The following KIF26B variants were observed in gnomAD, a reference collection of about 807,000 sequenced individuals.
The protein encoded by KIF26B is kinesin-like protein KIF26B.
Under a neutral mutation model 151.2 loss-of-function variants are expected in KIF26B, and 63 were observed. That is an observed-to-expected ratio of 0.42 (90% CI 0.34 to 0.51). KIF26B has a LOEUF of 0.51. Ranked by LOEUF, KIF26B falls within the 20% of genes least tolerant of loss-of-function variation. The probability of loss-of-function intolerance (pLI) is 0.07; values close to 1 mark genes in which losing one functional copy is unlikely to be tolerated. For missense variants in KIF26B, 2,813 were observed against 2,913.6 expected (o/e 0.97, Z 0.79); for synonymous variants, 1,357 against 1,262.1 (o/e 1.08, Z -1.59).
chr1:245,307,866 A>T (rs12143981), intron 2 of KIF26B, among the ~76,000 whole-genome samples: 1 of 151,414 alleles, frequency 6.6e-6, no homozygotes, highest in South Asian at 2.1e-4. Context: ...TCAGCCTCCC[A>T]AGTAGCTGGG....
At chr1:245,306,189 G>C (rs967647927) in intron 2 of KIF26B, among the ~76,000 whole-genome samples, 7 of 152,268 alleles carry the variant, frequency 4.6e-5, no homozygotes, top group Non-Finnish European at 1.0e-4. Context: ...AATGTGGCAT[G>C]ATCTATATAA....
intron 2 of KIF26B, among the ~76,000 whole-genome samples, chr1:245,256,210 G>A (rs78814703): frequency 0.014 from 2,055 of 152,158 alleles, 39 homozygotes; most frequent in African/African-American, 0.037. Flanking sequence ...TCTTCAAATG[G>A]CTCCCAGGTC....
At chr1:245,626,418 T>C (rs1179602654) in intron 9 of KIF26B, among the ~76,000 whole-genome samples, 1 of 150,514 alleles carries the variant, frequency 6.6e-6, no homozygotes, top group Non-Finnish European at 1.5e-5. Flanking sequence ...TTTTTCTGTC[T>C]TTCTAATAAT....
At chr1:245,257,089 T>C in intron 2 of KIF26B, among the ~76,000 whole-genome samples, 1 of 152,218 alleles carries the variant, frequency 6.6e-6, no homozygotes, top group East Asian at 1.9e-4. Context: ...CCATAACCCC[T>C]TATCTTAACC....
intron 4 of KIF26B, among the ~76,000 whole-genome samples, chr1:245,433,479 AG>A (rs774769289): frequency 3.3e-4 from 45 of 137,688 alleles, no homozygotes; most frequent in African/African-American, 9.0e-4. Flanking sequence ...AAAAAAAAAA[AG>A]AAGAAGAAGA....
intron 9 of KIF26B, among the ~76,000 whole-genome samples, chr1:245,644,201 T>C (rs191996885): frequency 5.3e-4 from 80 of 152,314 alleles, no homozygotes; most frequent in African/African-American, 1.8e-3. Context: ...CTATATATTT[T>C]ATTCTGAATA....
chr1:245,611,253 T>C (rs1039678310), intron 8 of KIF26B, among the ~76,000 whole-genome samples: 1 of 152,238 alleles, frequency 6.6e-6, no homozygotes, highest in Non-Finnish European at 1.5e-5. Flanking sequence ...CTAGTAAATA[T>C]GGCCTAAAAT....
intron 2 of KIF26B, among the ~76,000 whole-genome samples, chr1:245,297,875 T>G (rs1050793656): frequency 6.9e-4 from 103 of 149,964 alleles, no homozygotes; most frequent in African/African-American, 2.4e-3. Flanking sequence ...GGGCATCAGT[T>G]TTTGTTTGTT....
intron 9 of KIF26B, among the ~76,000 whole-genome samples, chr1:245,628,708 T>C (rs1160852773): frequency 6.6e-6 from 1 of 152,166 alleles, no homozygotes; most frequent in Non-Finnish European, 1.5e-5. Flanking sequence ...GGATGCCCTC[T>C]CTCAGCACTC....
At chr1:245,465,169 G>A (rs752077746) in intron 4 of KIF26B, among the ~76,000 whole-genome samples, 16 of 151,970 alleles carry the variant, frequency 1.1e-4, no homozygotes, top group Non-Finnish European at 1.2e-4. Flanking sequence ...TAGTAGAGAC[G>A]GGGTTTCCCC....
chr1:245,208,968 A>G (rs1669460112), intron 2 of KIF26B, among the ~76,000 whole-genome samples: 1 of 152,152 alleles, frequency 6.6e-6, no homozygotes, highest in African/African-American at 2.4e-5. Context: ...GATGAAACCA[A>G]CTGCTCATCC....
At chr1:245,264,746 A>G (rs1044989315) in intron 2 of KIF26B, among the ~76,000 whole-genome samples, 6 of 150,292 alleles carry the variant, frequency 4.0e-5, no homozygotes, top group African/African-American at 1.5e-4. Flanking sequence ...TACAAAAAAT[A>G]GCCAGGTGTG....
At position 245,559,248 on chromosome 1, in the gene KIF26B, G is replaced by A. The variant is rs560903638; in HGVS notation, c.1350+18298G>A. On this transcript the variant is annotated intron_variant, in intron 5 of 14. Transcript: ENST00000407071. ...AATCCTAGCTAAGGCTGAGACAGGA[G>A]AATCACTTGAGCCCGGGAAGTCTAA... Among the ~76,000 whole-genome samples the A allele has an allele frequency of 2.0e-5, 3 of 152,322 alleles. No individual in the cohort carries two copies. The East Asian group carries it at 5.8e-4, about 29-fold the overall frequency.
Position 245,609,494 on chromosome 1 carries a change from T to C in KIF26B, c.1880T>C (p.Val627Ala). 6.3e-7 allele frequency: 1 copy of C among 1,590,188 alleles called. No homozygotes were observed. The highest frequency in any genetic ancestry group is 1.2e-5 in the South Asian group (1 of 86,636). ...CTGCAGGACGGCCAGTCCCCGGGCG[T>C]GTACCTCTGTGAGGACCCCATCTGC... ...GSLQDGQSPG[V>A]YLCEDPICGT... The change falls in exon 8 of 15, where the codon GTG becomes GCG. Residue 627 changes from valine to alanine, a missense_variant. Val to Ala is a moderately conservative substitution (Grantham distance 64). Transcript: ENST00000407071.
rs918983126 is a variant in KIF26B, at chr1:245,342,979, G to A, written c.466-23855G>A. 4.7e-4 allele frequency among the ~76,000 whole-genome samples: 71 copies of A among 151,914 alleles called. 2 individuals carry two copies. The highest frequency in any genetic ancestry group is 9.9e-4 in the Non-Finnish European group (67 of 67,976). On this transcript the variant is annotated intron_variant, in intron 2 of 14. Coordinates refer to ENST00000407071, the MANE Select transcript of KIF26B (RefSeq NM_018012.4). ...TGGGCGCCTGTAATTCCAGCTACTT[G>A]GGAGGCTGAGGCAGGAGAATTGCTT...
chr1:245,704,651 C>T lies in KIF26B; in HGVS notation c.*2045C>T, dbSNP rs1340470705. The T allele has an allele frequency of 6.6e-6, 1 of 152,284 alleles. No individual in the cohort carries two copies. Among genetic ancestry groups the T allele is most frequent in the Admixed American group, 6.5e-5 (1 of 15,284 alleles). 9.4% of individuals were successfully genotyped at this position (152,284 alleles called of 1,614,324 possible). A position where few individuals can be genotyped will look rare whatever the true frequency, so the allele number is the denominator to read the frequency against. On this transcript the variant is annotated 3_prime_UTR_variant, in exon 15 of 15. Coordinates refer to ENST00000407071, the MANE Select transcript of KIF26B (RefSeq NM_018012.4). ...TCCCAAGTCTGACAAGTGTGTTGCC[C>T]TGGGAAGCAGGACCTCCCTGAGCTC...
rs1052461523 is a variant in KIF26B at position 245,320,107 on chromosome 1, C to A, written c.466-46727C>A. 8.5e-5 allele frequency among the ~76,000 whole-genome samples: 13 copies of A among 152,248 alleles called. No individual in the cohort carries two copies. In the South Asian group the frequency reaches 1.2e-3, roughly 15 times the overall value. ...CAGCCAGCTATTGTTCATATTTGTT[C>A]CAGATGAGAGACTGGAGGTTCAGAG... On this transcript the variant is annotated intron_variant, in intron 2 of 14. Transcript: ENST00000407071.
chr1:245,357,947 C>T (rs1292448629), intron 2 of KIF26B, among the ~76,000 whole-genome samples: 2 of 152,142 alleles, frequency 1.3e-5, no homozygotes, highest in Non-Finnish European at 2.9e-5. Flanking sequence ...GACATGGTCT[C>T]GCTCTGCTGC....
chr1:245,558,971 A>G (rs551971051), intron 5 of KIF26B, among the ~76,000 whole-genome samples: 51 of 152,348 alleles, frequency 3.3e-4, no homozygotes, highest in African/African-American at 1.2e-3. Flanking sequence ...TTATGTAAGA[A>G]AAACAGCTCA....
Sources: gnomAD v4.1 joint callset for allele counts (sites outside exome capture counted in the v4.1 genomes callset) on GRCh38, gnomAD v4.1.1 for gene constraint, MANE v1.5 for transcripts, NCBI Gene and HGNC (gene_info 2026-07-23, HGNC 2026-07-21) for gene names.